The following CLEC16A variants were observed in gnomAD, a reference collection of about 807,000 sequenced individuals.
CLEC16A encodes protein CLEC16A.
CLEC16A carries 51 observed loss-of-function variants against 109.5 expected under a neutral mutation model. The observed-to-expected ratio is 0.47, with a 90% CI of 0.37 to 0.59. The LOEUF (loss-of-function observed/expected upper bound fraction) is 0.59, where lower values mean the gene tolerates loss of function less well. Ranked by LOEUF, CLEC16A falls within the 20% of genes least tolerant of loss-of-function variation. The probability of loss-of-function intolerance (pLI) is 0.00; values close to 1 mark genes in which losing one functional copy is unlikely to be tolerated. For missense variants in CLEC16A, 1,339 were observed against 1,394.0 expected (o/e 0.96, Z 0.63); for synonymous variants, 673 against 564.2 (o/e 1.19, Z -2.73).
At chr16:11,044,927 CAAAA>C (rs71404442) in intron 16 of CLEC16A, among the ~76,000 whole-genome samples, 2 of 86,938 alleles carry the variant, frequency 2.3e-5, no homozygotes, top group Admixed American at 1.2e-4. Flanking sequence ...AACTCCATCT[CAAAA>C]AAAAAAAAAA....
In CLEC16A at chr16:11,178,931, A is replaced by G. The variant is rs200938700; in HGVS notation, c.*241A>G. 2.0e-5 allele frequency: 9 copies of G among 460,304 alleles called. No individual in the cohort carries two copies. Among genetic ancestry groups the G allele is most frequent in the East Asian group, 1.0e-4 (3 of 28,648 alleles). 28.5% of individuals were successfully genotyped at this position (460,304 alleles called of 1,614,324 possible). A position where few individuals can be genotyped will look rare whatever the true frequency, so the allele number is the denominator to read the frequency against. On this transcript the variant is annotated 3_prime_UTR_variant, in exon 24 of 24. Transcript: ENST00000409790. The surrounding 1 kb of genome is among the most constrained non-coding windows in gnomAD (Gnocchi z 6.5). ...AGCGGAGACACCGCGGCGAATGCAGATGACTGCACCGGCCACTCAGGGAGC... is the reference window on the plus strand; with the variant it reads ...AGCGGAGACACCGCGGCGAATGCAGGTGACTGCACCGGCCACTCAGGGAGC...
rs371915032 is a variant in CLEC16A at position 11,020,216 on chromosome 16, C to G, written c.1327C>G (p.Arg443Gly). The change falls in exon 12 of 24, where the codon CGT becomes GGT. Residue 443 changes from arginine (R) to glycine (G), a missense_variant. Physicochemically the swap from Arg to Gly is moderately radical, Grantham distance 125. Around this residue, in one of 3 missense-constraint regions of CLEC16A, gnomAD observed 1,061 missense variants for 1,006.8 expected, o/e 1.05. Transcript: ENST00000409790. The stretch of plus-strand genomic sequence containing the variant: ...AGAGATCGAGATGGTGATCATGGAG[C>G]GTAGCAAGCTCTCAGAGCTGGCCGC... Reference protein sequence around the residue: ...SEEIEMVIMERSKLSELAAST... With the variant: ...SEEIEMVIMEGSKLSELAAST... 1 of 1,612,762 alleles carries G rather than the reference C, an allele frequency of 6.2e-7. No individual in the cohort carries two copies. Among genetic ancestry groups the G allele is most frequent in the Non-Finnish European group, 8.5e-7 (1 of 1,179,294 alleles).
At chr16:11,075,396 G>GTGTGTC (rs2049298631) in intron 19 of CLEC16A, among the ~76,000 whole-genome samples, 4 of 133,276 alleles carry the variant, frequency 3.0e-5, no homozygotes, top group African/African-American at 9.0e-5. Flanking sequence ...GTGTGTGTGT[G>GTGTGTC]TGTGTGTGTG....
rs749474010 is a variant in CLEC16A, at chr16:11,126,160, C to A, written c.2641+14C>A. 2 of 1,613,732 alleles carry A rather than the reference C, an allele frequency of 1.2e-6. No homozygotes were observed. Among genetic ancestry groups the A allele is most frequent in the African/African-American group, 1.3e-5 (1 of 75,010 alleles). ...ACAAGGTGCCAGGTGAGCCAGCCCCCCGCCCTGCGCCACAGCTCGTTCATC... is the reference window on the plus strand; with the variant it reads ...ACAAGGTGCCAGGTGAGCCAGCCCCACGCCCTGCGCCACAGCTCGTTCATC... On this transcript the variant is annotated intron_variant, in intron 22 of 23. Coordinates refer to ENST00000409790, the MANE Select transcript of CLEC16A (RefSeq NM_015226.3).
chr16:11,141,767 AGCGT>A (rs1297863351), intron 22 of CLEC16A, among the ~76,000 whole-genome samples: 2 of 152,208 alleles, frequency 1.3e-5, no homozygotes, highest in Non-Finnish European at 2.9e-5. Context: ...CGGTGGGGAC[AGCGT>A]GCCTGGTTAT....
chr16:11,129,032 C>G (rs1229880660), intron 22 of CLEC16A, among the ~76,000 whole-genome samples: 1 of 152,146 alleles, frequency 6.6e-6, no homozygotes, highest in African/African-American at 2.4e-5. Flanking sequence ...GCTGTGAGAT[C>G]CGGCCCCAAC....
intron 13 of CLEC16A, chr16:11,027,650 C>A: frequency 6.5e-7 from 1 of 1,549,308 alleles, no homozygotes; most frequent in Non-Finnish European, 8.8e-7. Flanking sequence ...TGCGCCCTTT[C>A]CACCTCTCAG....
intron 18 of CLEC16A, among the ~76,000 whole-genome samples, chr16:11,059,819 T>C (rs1434059026): frequency 1.3e-5 from 2 of 152,098 alleles, no homozygotes; most frequent in Non-Finnish European, 2.9e-5. Flanking sequence ...ATTTTACAGA[T>C]GAGGAAAAGG....
intron 1 of CLEC16A, among the ~76,000 whole-genome samples, chr16:10,947,361 G>A (rs970271284): frequency 6.6e-6 from 1 of 152,236 alleles, no homozygotes; most frequent in South Asian, 2.1e-4. Flanking sequence ...CAGGCTGGTG[G>A]GGGAGACAGC....
intron 22 of CLEC16A, among the ~76,000 whole-genome samples, chr16:11,151,685 C>G (rs959696734): frequency 2.6e-5 from 4 of 152,240 alleles, no homozygotes; most frequent in Non-Finnish European, 5.9e-5. Flanking sequence ...ATTTCACTCA[C>G]AGGGCAGCTT....
intron 18 of CLEC16A, among the ~76,000 whole-genome samples, chr16:11,055,488 G>T (rs1191395469): frequency 6.6e-6 from 1 of 151,898 alleles, no homozygotes; most frequent in African/African-American, 2.4e-5. Context: ...GTGAGGGAGG[G>T]GCAGGAGCGC....
chr16:11,095,253 GAAGA>G (rs1253507505), intron 19 of CLEC16A, among the ~76,000 whole-genome samples: 2 of 152,162 alleles, frequency 1.3e-5, no homozygotes, highest in Non-Finnish European at 2.9e-5. Context: ...GAACCAGAGA[GAAGA>G]AAGAAAGGAA....
At chr16:11,162,635 C>G (rs113217095) in intron 22 of CLEC16A, among the ~76,000 whole-genome samples, 59 of 152,304 alleles carry the variant, frequency 3.9e-4, no homozygotes, top group African/African-American at 1.3e-3. Context: ...ATGGGACATG[C>G]TTTTTCTAAC....
chr16:11,149,570 T>A lies in CLEC16A; in HGVS notation c.2642-16818T>A, dbSNP rs141936989. Among the ~76,000 whole-genome samples the A allele has an allele frequency of 2.0e-5, 3 of 152,180 alleles. No individual in the cohort carries two copies. In the South Asian group the frequency reaches 6.2e-4, roughly 32 times the overall value. ...ACTTTGGGAGGCTGAGGCAGGCAGATTGCCTGAGCTCAAGAGTTCAAGACC... is the reference window on the plus strand; with the variant it reads ...ACTTTGGGAGGCTGAGGCAGGCAGAATGCCTGAGCTCAAGAGTTCAAGACC... On this transcript the variant is annotated intron_variant, in intron 22 of 23. Coordinates refer to ENST00000409790, the MANE Select transcript of CLEC16A (RefSeq NM_015226.3).
rs572327398 is a variant in CLEC16A at position 11,114,316 on chromosome 16, T to C, written c.2117-6299T>C. Among the ~76,000 whole-genome samples the C allele has an allele frequency of 2.0e-5, 3 of 152,298 alleles. No homozygotes were observed. The East Asian group carries it at 5.8e-4, about 29-fold the overall frequency. ...GATCTGATCATTGTCTTCTGATAAT[T>C]TTCTTAATAGAATCCTAAGCCCCAC... On this transcript the variant is annotated intron_variant, in intron 19 of 23. Coordinates refer to ENST00000409790, the MANE Select transcript of CLEC16A (RefSeq NM_015226.3).
chr16:11,115,669 G>A (rs1465807253), intron 19 of CLEC16A, among the ~76,000 whole-genome samples: 4 of 151,120 alleles, frequency 2.6e-5, no homozygotes, highest in South Asian at 2.1e-4. Context: ...CACCACGCCC[G>A]GCCTGTTTTA....
At chr16:10,960,999 C>G (rs926192829) in intron 2 of CLEC16A, among the ~76,000 whole-genome samples, 2 of 152,090 alleles carry the variant, frequency 1.3e-5, no homozygotes, top group African/African-American at 4.8e-5. Context: ...TTGCCCACTC[C>G]CCTATGGAGT....
intron 22 of CLEC16A, among the ~76,000 whole-genome samples, chr16:11,162,169 A>G (rs1345103590): frequency 6.6e-6 from 1 of 152,260 alleles, no homozygotes; most frequent in African/African-American, 2.4e-5. Flanking sequence ...AATAACTGGC[A>G]GAACACGGCC....
intron 18 of CLEC16A, among the ~76,000 whole-genome samples, chr16:11,058,945 C>T (rs531501584): frequency 6.6e-6 from 1 of 152,302 alleles, no homozygotes; most frequent in African/African-American, 2.4e-5. Context: ...TATTTGAGAG[C>T]TCAAGCTGCC....
Sources: allele counts gnomAD v4.1 joint callset (sites outside exome capture counted in the v4.1 genomes callset), GRCh38; gene constraint gnomAD v4.1.1; regional missense constraint gnomAD v4.1.1; non-coding constraint Gnocchi (gnomAD v3.1); transcripts MANE v1.5; gene names NCBI Gene and HGNC (gene_info 2026-07-23, HGNC 2026-07-21).